The following NELL2 variants were observed in gnomAD, a reference collection of about 807,000 sequenced individuals.
NELL2 encodes the protein protein kinase C-binding protein NELL2.
A neutral mutation model predicts 109.6 loss-of-function variants in NELL2; 41 were observed. The ratio of observed to expected loss-of-function variants is 0.37; its 90% CI spans 0.29 to 0.49. NELL2 has a LOEUF of 0.49. Ranked by LOEUF, NELL2 falls within the 20% of genes least tolerant of loss-of-function variation. The probability of loss-of-function intolerance (pLI) is 0.98; values close to 1 mark genes in which losing one functional copy is unlikely to be tolerated. For synonymous variants in NELL2, 355 were observed against 344.7 expected (o/e 1.03, Z -0.33); for missense variants, 900 against 1,008.3 (o/e 0.89, Z 1.45).
At chr12:44,740,276 C>T (rs1200466413) in intron 9 of NELL2, among the ~76,000 whole-genome samples, 2 of 152,084 alleles carry the variant, frequency 1.3e-5, no homozygotes, top group African/African-American at 4.8e-5. Flanking sequence ...AGATGATATA[C>T]TGATGTTTCC....
chr12:44,610,304 T>C (rs930575522), intron 14 of NELL2, among the ~76,000 whole-genome samples: 2 of 149,698 alleles, frequency 1.3e-5, no homozygotes, highest in Admixed American at 6.7e-5. Flanking sequence ...ATTCACATGG[T>C]AGCATAACAA....
intron 11 of NELL2, among the ~76,000 whole-genome samples, chr12:44,705,528 A>C (rs887010615): frequency 6.6e-6 from 1 of 152,286 alleles, no homozygotes; most frequent in Non-Finnish European, 1.5e-5. Context: ...GCTTTCTCCT[A>C]GGATCTTTTT....
rs149104822 is a variant in NELL2, at chr12:44,831,183, C to T, written c.185-15047G>A. Among the ~76,000 whole-genome samples the T allele has an allele frequency of 2.8e-3, 422 of 152,186 alleles. 3 individuals carry two copies. The highest frequency in any genetic ancestry group is 9.9e-3 in the African/African-American group (411 of 41,546). On this transcript the variant is annotated intron_variant, in intron 2 of 19. Transcript: ENST00000429094. ...AAAATACAGAAGATTCACTTACTGT[C>T]TAAACTAATCTCTGTACTTTACCTT...
intron 9 of NELL2, among the ~76,000 whole-genome samples, chr12:44,748,917 T>C (rs926181901): frequency 5.9e-5 from 9 of 152,172 alleles, no homozygotes; most frequent in African/African-American, 2.2e-4. Context: ...TTTGTGGGAA[T>C]TGCATTATAG....
rs558803077 is a variant in NELL2 at position 44,859,565 on chromosome 12, A to G, written c.184+15660T>C. ...CAAGAAAAAAATAAAAATAAACAGG[A>G]GACATATCACACCATAAAGCCTTGT... On this transcript the variant is annotated intron_variant, in intron 2 of 19. Transcript: ENST00000429094. 9.2e-5 allele frequency among the ~76,000 whole-genome samples: 14 copies of G among 152,274 alleles called. No homozygotes were observed. In the East Asian group the frequency reaches 1.9e-3, roughly 21 times the overall value.
chr12:44,801,519 C>T lies in NELL2; in HGVS notation c.335+14467G>A, dbSNP rs150500626. On this transcript the variant is annotated intron_variant, in intron 3 of 19. Coordinates refer to ENST00000429094, the MANE Select transcript of NELL2 (RefSeq NM_001145108.2). The stretch of plus-strand genomic sequence containing the variant: ...GAATTTGTCAGGATAATAGTTAGGA[C>T]GATGGGCTGTGACGCCAAGTAGCCT... Among the ~76,000 whole-genome samples, 5 of 152,192 alleles carry T rather than the reference C, an allele frequency of 3.3e-5. No homozygotes were observed. In the East Asian group the frequency reaches 5.8e-4, roughly 18 times the overall value.
At chr12:44,827,284 A>T (rs1943742765) in intron 2 of NELL2, among the ~76,000 whole-genome samples, 1 of 152,090 alleles carries the variant, frequency 6.6e-6, no homozygotes, top group African/African-American at 2.4e-5. Context: ...TCAAGCACTT[A>T]TCCTTTGTGT....
intron 15 of NELL2, among the ~76,000 whole-genome samples, chr12:44,572,319 A>AT (rs1555178156): frequency 2.6e-5 from 4 of 151,112 alleles, no homozygotes; most frequent in Non-Finnish European, 4.4e-5. Context: ...TTAAAAAAAA[A>AT]TTTTTTTTTC....
At chr12:44,771,410 TCTAA>T (rs755404180) in intron 9 of NELL2, among the ~76,000 whole-genome samples, 1 of 152,110 alleles carries the variant, frequency 6.6e-6, no homozygotes, top group Non-Finnish European at 1.5e-5. Flanking sequence ...CTCTGAGACC[TCTAA>T]CTAACTGCAC....
At chr12:44,577,622 C>T (rs138105804) in intron 15 of NELL2, among the ~76,000 whole-genome samples, 6 of 151,688 alleles carry the variant, frequency 4.0e-5, no homozygotes, top group Non-Finnish European at 5.9e-5. Flanking sequence ...GGAATACAGG[C>T]GCCACCACCA....
chr12:44,900,774 A>C (rs1945650595), intron 1 of NELL2, among the ~76,000 whole-genome samples: 1 of 152,130 alleles, frequency 6.6e-6, no homozygotes, highest in Non-Finnish European at 1.5e-5. Context: ...GTGGATCACA[A>C]GGTCAAGAGA....
At chr12:44,558,216 A>C (rs899996820) in intron 15 of NELL2, among the ~76,000 whole-genome samples, 1 of 152,264 alleles carries the variant, frequency 6.6e-6, no homozygotes. Context: ...TGGATGGTAC[A>C]AAGTACAAAA....
upstream of NELL2, chr12:44,876,582 G>A (rs758273165): frequency 6.5e-6 from 10 of 1,532,420 alleles, no homozygotes; most frequent in South Asian, 3.7e-5. Context: ...AAGGTGCTAA[G>A]TTGATGGGCG....
rs902555216 is a variant in NELL2 at position 44,612,454 on chromosome 12, C to T, written c.1445-1484G>A. ...ATTTTCCAAATTCCTGGCTGAATAACCCAAAATTGTACAAAATTCCACCCA... is the reference window on the plus strand; with the variant it reads ...ATTTTCCAAATTCCTGGCTGAATAATCCAAAATTGTACAAAATTCCACCCA... On this transcript the variant is annotated intron_variant, in intron 13 of 19. Coordinates refer to ENST00000429094, the MANE Select transcript of NELL2 (RefSeq NM_001145108.2). 4.0e-5 allele frequency among the ~76,000 whole-genome samples: 6 copies of T among 151,380 alleles called. No homozygotes were observed. In the East Asian group the frequency reaches 1.2e-3, roughly 29 times the overall value.
intron 12 of NELL2, among the ~76,000 whole-genome samples, chr12:44,685,613 G>C (rs1948687818): frequency 6.6e-6 from 1 of 151,744 alleles, no homozygotes; most frequent in Non-Finnish European, 1.5e-5. Flanking sequence ...CAGCCCTGGT[G>C]GTGATAAAAT....
intron 3 of NELL2, among the ~76,000 whole-genome samples, chr12:44,791,119 A>ATATGTG (rs1360800177): frequency 4.2e-4 from 4 of 9,592 alleles, no homozygotes; most frequent in African/African-American, 1.5e-3. Context: ...GTATATATAT[A>ATATGTG]TGTATATATA....
chr12:44,551,796 G>A (rs1307679953), intron 15 of NELL2, among the ~76,000 whole-genome samples: 1 of 152,094 alleles, frequency 6.6e-6, no homozygotes. Flanking sequence ...TGGACTGAAG[G>A]AGCCCACAGT....
At chr12:44,695,816 A>G (rs1200369636) in intron 12 of NELL2, among the ~76,000 whole-genome samples, 1 of 152,092 alleles carries the variant, frequency 6.6e-6, no homozygotes, top group Non-Finnish European at 1.5e-5. Flanking sequence ...AAATTTAAAA[A>G]TAAAAAAATA....
chr12:44,921,442 G>A (rs909339855), intron 1 of NELL2, among the ~76,000 whole-genome samples: 1 of 152,114 alleles, frequency 6.6e-6, no homozygotes, highest in East Asian at 1.9e-4. Context: ...TAGCAAGATG[G>A]GTCAGAGAGT....
Sources: allele counts gnomAD v4.1 joint callset (sites outside exome capture counted in the v4.1 genomes callset), GRCh38; gene constraint gnomAD v4.1.1; transcripts MANE v1.5; gene names NCBI Gene and HGNC (gene_info 2026-07-23, HGNC 2026-07-21).